Variants in TNN observed in about 807,000 individuals in gnomAD.
The protein encoded by TNN is tenascin N, also known as tenascin-N.
Under a neutral mutation model 134.4 loss-of-function variants are expected in TNN, and 122 were observed. That is an observed-to-expected ratio of 0.91 (90% CI 0.78 to 1.06). TNN has a LOEUF of 1.06. TNN is among the 50% of genes least tolerant of loss of function. The probability of loss-of-function intolerance (pLI) is 0.00; values close to 1 mark genes in which losing one functional copy is unlikely to be tolerated. For missense variants in TNN, 1,739 were observed against 1,699.4 expected (o/e 1.02, Z -0.41); for synonymous variants, 710 against 670.3 (o/e 1.06, Z -0.91).
chr1:175,077,909 C>T, intron 2 of TNN, 82 bp downstream of exon 2: 4 of 1,375,684 alleles, frequency 2.9e-6, no homozygotes, highest in Non-Finnish European at 4.0e-6. Flanking sequence ...GCCTCATGAG[C>T]ACTTTGTGAC....
rs199784096 is a variant in TNN at position 175,128,018 on chromosome 1, C to T, written c.3046-14C>T. On this transcript the variant is annotated splice_polypyrimidine_tract_variant and intron_variant, in intron 13 of 18. Transcript: ENST00000239462. ...CTGAGTCACTGGCTGTCTAATCTCT[C>T]CCTTGTTTGGTAGGAGATGCAGCTG... The T allele has an allele frequency of 1.2e-5, 19 of 1,613,966 alleles. No homozygotes were observed. The highest frequency in any genetic ancestry group is 1.6e-5 in the Non-Finnish European group (19 of 1,179,984).
intron 5 of TNN, among the ~76,000 whole-genome samples, chr1:175,084,374 G>T (rs1674277757): frequency 6.6e-6 from 1 of 152,122 alleles, no homozygotes; most frequent in African/African-American, 2.4e-5. Flanking sequence ...TGGGGGATGT[G>T]GAGGGGGGCA....
chr1:175,117,066 G>A lies in TNN; in HGVS notation c.2247G>A (p.Glu749=). ...VVRYTSAKDG[E]TREVPVGKEQ... Reference sequence around the variant, plus strand: ...GCTACACCTCTGCCAAGGACGGAGAGACCAGGGAGGTTCCGGTGGGGAAGG... The same window carrying A: ...GCTACACCTCTGCCAAGGACGGAGAAACCAGGGAGGTTCCGGTGGGGAAGG... The change falls in exon 10 of 19, where the codon GAG becomes GAA. Residue 749 remains glutamate, a synonymous_variant. Coordinates refer to ENST00000239462, the MANE Select transcript of TNN (RefSeq NM_022093.2). 1.9e-6 allele frequency: 3 copies of A among 1,614,266 alleles called. No individual in the cohort carries two copies. Among genetic ancestry groups the A allele is most frequent in the Non-Finnish European group, 2.5e-6 (3 of 1,180,040 alleles).
chr1:175,100,975 T>C (rs1014986377), intron 9 of TNN, among the ~76,000 whole-genome samples: 27 of 152,240 alleles, frequency 1.8e-4, no homozygotes, highest in Admixed American at 1.2e-3. Context: ...AGGATATCCA[T>C]CAGCTCAACA....
chr1:175,107,492 A>G (rs12406815), intron 9 of TNN, among the ~76,000 whole-genome samples: 37,148 of 137,720 alleles, frequency 0.27, 7,925 homozygotes, highest in African/African-American at 0.32. Context: ...CAGTGGGCTC[A>G]TGGTCTTGCT....
chr1:175,095,059 G>C (rs1449152343), intron 7 of TNN, among the ~76,000 whole-genome samples: 1 of 152,204 alleles, frequency 6.6e-6, no homozygotes, highest in Non-Finnish European at 1.5e-5. Context: ...GAGTGGCTTT[G>C]AGCAAGTTAC....
At position 175,144,470 on chromosome 1, in the gene TNN, A is replaced by C; in HGVS notation, c.3679A>C (p.Thr1227Pro). 6.2e-7 allele frequency: 1 copy of C among 1,614,238 alleles called. No individual in the cohort carries two copies. Among genetic ancestry groups the C allele is most frequent in the Non-Finnish European group, 8.5e-7 (1 of 1,180,034 alleles). ...NDIALSNCAL[T>P]HHGGWWYKNC... ...TATCGCACTCAGCAACTGTGCCCTG[A>C]CACATCATGGTGGCTGGTGGTATAA... is the stretch of plus-strand genomic sequence containing the variant. The change falls in exon 18 of 19, where the codon ACA becomes CCA. Residue 1227 changes from threonine to proline, a missense_variant. Transcript: ENST00000239462.
chr1:175,098,120 G>A (rs1429915226), intron 8 of TNN, among the ~76,000 whole-genome samples: 1 of 152,170 alleles, frequency 6.6e-6, no homozygotes, highest in Non-Finnish European at 1.5e-5. Context: ...GGAACTGAAA[G>A]CCAAGAAAGA....
At chr1:175,135,358 A>C (rs1675772214) in intron 15 of TNN, among the ~76,000 whole-genome samples, 1 of 152,164 alleles carries the variant, frequency 6.6e-6, no homozygotes, top group Admixed American at 6.5e-5. Context: ...TGTTGTGTGA[A>C]CTTTTTTCTC....
Position 175,079,580 on chromosome 1 carries a change from C to A in TNN, c.657C>A (p.Cys219Ter). 2 of 1,588,278 alleles carry A rather than the reference C, an allele frequency of 1.3e-6. No homozygotes were observed. Among genetic ancestry groups the A allele is most frequent in the Non-Finnish European group, 1.7e-6 (2 of 1,168,802 alleles). Reference protein sequence around the residue: ...HGECVRGVCQCHEDFMSEDCS... With the variant: ...HGECVRGVCQ ...AGTGCGTGCGCGGCGTGTGCCAGTG[C>A]CACGAAGACTTCATGTCGGAGGACT... is the stretch of plus-strand genomic sequence containing the variant. The change falls in exon 3 of 19, where the codon TGC becomes TGA. Residue 219 changes from cysteine (C) to a stop codon, truncating the protein, a stop_gained. Coordinates refer to ENST00000239462, the MANE Select transcript of TNN (RefSeq NM_022093.2). LOFTEE classifies it high-confidence loss of function.
At chr1:175,092,213 T>C (rs1436395705) in intron 6 of TNN, among the ~76,000 whole-genome samples, 1 of 152,240 alleles carries the variant, frequency 6.6e-6, no homozygotes, top group Non-Finnish European at 1.5e-5. Context: ...ACATGCAGGA[T>C]CATGTCTTGC....
chr1:175,079,882 A>T (rs1674158819), intron 3 of TNN, among the ~76,000 whole-genome samples, 175 bp downstream of exon 3: 2 of 152,162 alleles, frequency 1.3e-5, no homozygotes, highest in South Asian at 4.1e-4. Context: ...TGCATTTCTA[A>T]CAAGTTCCCA....
At chr1:175,095,656 C>T (rs1170850802) in intron 7 of TNN, among the ~76,000 whole-genome samples, 2 of 152,228 alleles carry the variant, frequency 1.3e-5, no homozygotes, top group Non-Finnish European at 2.9e-5. Flanking sequence ...TCACTGCAAC[C>T]TCCATCTCCC....
intron 1 of TNN, 33 bp downstream of exon 1, chr1:175,067,968 T>C (rs551381018): frequency 2.2e-6 from 1 of 462,030 alleles, no homozygotes; most frequent in Admixed American, 2.3e-5. Context: ...CTTTACTTAC[T>C]GGAGGGAGGG....
At chr1:175,130,346 C>T (rs1275719567) in intron 15 of TNN, among the ~76,000 whole-genome samples, 6 of 152,154 alleles carry the variant, frequency 3.9e-5, no homozygotes, top group South Asian at 2.1e-4. Flanking sequence ...CGACATCTGA[C>T]GGTTGAAAGG....
intron 1 of TNN, among the ~76,000 whole-genome samples, chr1:175,070,507 T>C (rs1162296511): frequency 6.6e-6 from 1 of 152,150 alleles, no homozygotes; most frequent in Admixed American, 6.5e-5. Context: ...GGACACTCCC[T>C]GGGTATCCCA....
At chr1:175,099,264 T>C (rs1674655838) in intron 9 of TNN, among the ~76,000 whole-genome samples, 1 of 152,240 alleles carries the variant, frequency 6.6e-6, no homozygotes, top group African/African-American at 2.4e-5. Context: ...TCTAGCTTGC[T>C]GTATGCAGTT....
At chr1:175,080,676 G>T (rs537436401) in intron 4 of TNN, among the ~76,000 whole-genome samples, 8 of 152,144 alleles carry the variant, frequency 5.3e-5, no homozygotes, top group Non-Finnish European at 1.2e-4. Context: ...GATTATTTGG[G>T]TCTGCACCTT....
At chr1:175,083,132 TA>T (rs370141415) in intron 4 of TNN, among the ~76,000 whole-genome samples, 9 of 152,218 alleles carry the variant, frequency 5.9e-5, no homozygotes, top group African/African-American at 2.2e-4. Context: ...CTAAAATTGG[TA>T]AAAATAGCAG....
Sources: gnomAD v4.1 joint callset for allele counts (sites outside exome capture counted in the v4.1 genomes callset) on GRCh38, gnomAD v4.1.1 for gene constraint, MANE v1.5 for transcripts, NCBI Gene and HGNC (gene_info 2026-07-23, HGNC 2026-07-21) for gene names.